The following TNS3 variants were observed in gnomAD, a reference collection of about 807,000 sequenced individuals.
The protein encoded by TNS3 is tensin-3.
TNS3 carries 45 observed loss-of-function variants against 140.9 expected under a neutral mutation model. That is an observed-to-expected ratio of 0.32 (90% CI 0.25 to 0.41). The LOEUF is 0.41. TNS3 is among the 10% of genes least tolerant of loss of function. The pLI is 1.00. For missense variants in TNS3, 1,716 were observed against 1,906.7 expected (o/e 0.90, Z 1.86); for synonymous variants, 815 against 788.4 (o/e 1.03, Z -0.56).
chr7:47,349,858 A>G (rs1789561314), intron 17 of TNS3, among the ~76,000 whole-genome samples: 1 of 152,250 alleles, frequency 6.6e-6, no homozygotes. Context: ...TTATCCAGCA[A>G]CAGTGACAGT....
intron 2 of TNS3, among the ~76,000 whole-genome samples, chr7:47,514,617 T>C (rs77908603): frequency 0.022 from 3,333 of 152,190 alleles, 111 homozygotes; most frequent in African/African-American, 0.075. Context: ...TCATCTCCTT[T>C]AGGCCTTCCC....
At chr7:47,452,874 G>C (rs1796079695) in intron 4 of TNS3, 1 of 977,184 alleles carries the variant, frequency 1.0e-6, no homozygotes, top group African/African-American at 1.8e-5. Context: ...GCCAGGGACA[G>C]ACAAAGTGCC....
chr7:47,414,010 C>A lies in TNS3; in HGVS notation c.587-13G>T. 2 of 1,613,398 alleles carry A rather than the reference C, an allele frequency of 1.2e-6. No homozygotes were observed. Among genetic ancestry groups the A allele is most frequent in the Non-Finnish European group, 1.7e-6 (2 of 1,179,712 alleles). ...AAGGGCCGGCACACTGAAAGAAAGG[C>A]ACAACTGTCTGTAGAGGCATGACCG... is the stretch of plus-strand genomic sequence containing the variant. On this transcript the variant is annotated splice_polypyrimidine_tract_variant and intron_variant, in intron 11 of 30. Transcript: ENST00000311160.
chr7:47,442,560 TTA>T (rs1456580281), intron 4 of TNS3, among the ~76,000 whole-genome samples: 1 of 152,244 alleles, frequency 6.6e-6, no homozygotes, highest in Non-Finnish European at 1.5e-5. Context: ...GTAAGGGTTG[TTA>T]TATACTATGG....
At chr7:47,489,749 C>G (rs936589567) in intron 3 of TNS3, among the ~76,000 whole-genome samples, 4 of 152,192 alleles carry the variant, frequency 2.6e-5, no homozygotes, top group Non-Finnish European at 5.9e-5. Context: ...CTCGAAGTGG[C>G]TGAAAAGCAC....
intron 1 of TNS3, among the ~76,000 whole-genome samples, chr7:47,552,503 C>A (rs1263655154): frequency 6.6e-6 from 1 of 152,166 alleles, no homozygotes; most frequent in Non-Finnish European, 1.5e-5. Context: ...GTCCCTGTGT[C>A]ACATTTTGGA....
In TNS3 at chr7:47,446,875, T is replaced by C. The variant is rs559983528; in HGVS notation, c.-75-4820A>G. 3.7e-3 allele frequency among the ~76,000 whole-genome samples: 565 copies of C among 151,578 alleles called. 4 individuals are homozygous for C. The highest frequency in any genetic ancestry group is 6.5e-3 in the Non-Finnish European group (440 of 67,830). ...ATACGGCTAATTTTTGTTTTTTTTTTGTAGAGATGGGGGTCTCGCCATGTT... is the reference window on the plus strand; with the variant it reads ...ATACGGCTAATTTTTGTTTTTTTTTCGTAGAGATGGGGGTCTCGCCATGTT... On this transcript the variant is annotated intron_variant, in intron 4 of 30. Transcript: ENST00000311160.
intron 3 of TNS3, among the ~76,000 whole-genome samples, chr7:47,502,596 G>A (rs1443098125): frequency 6.6e-6 from 1 of 152,226 alleles, no homozygotes; most frequent in Non-Finnish European, 1.5e-5. Flanking sequence ...GGGCAGCAGG[G>A]GGTTCCGCTG....
intron 4 of TNS3, among the ~76,000 whole-genome samples, chr7:47,469,915 A>G (rs1035418267): frequency 2.1e-5 from 3 of 140,524 alleles, no homozygotes; most frequent in African/African-American, 7.9e-5. Flanking sequence ...CAGAGGTTGC[A>G]GTGAGCCAAG....
chr7:47,371,058 G>A (rs1308436472), intron 16 of TNS3, among the ~76,000 whole-genome samples: 1 of 152,222 alleles, frequency 6.6e-6, no homozygotes, highest in Admixed American at 6.5e-5. Context: ...ACGCAGAGAA[G>A]TGGGGAGTGG....
intron 1 of TNS3, among the ~76,000 whole-genome samples, chr7:47,534,709 C>A (rs1026172928): frequency 5.9e-5 from 9 of 152,124 alleles, no homozygotes; most frequent in Non-Finnish European, 1.2e-4. Flanking sequence ...GTTCCTATGT[C>A]GGTATCTGGT....
At chr7:47,284,669 T>G (rs1785320671) in intron 27 of TNS3, among the ~76,000 whole-genome samples, 1 of 152,212 alleles carries the variant, frequency 6.6e-6, no homozygotes, top group South Asian at 2.1e-4. Context: ...AAAGGCTGAG[T>G]AGGCTTCCTC....
At chr7:47,434,642 A>C (rs1437041943) in intron 8 of TNS3, among the ~76,000 whole-genome samples, 4 of 152,228 alleles carry the variant, frequency 2.6e-5, no homozygotes, top group Non-Finnish European at 5.9e-5. Context: ...ATTAAGAGGA[A>C]AGATCCCAGG....
At chr7:47,312,136 T>C (rs1269259597) in intron 20 of TNS3, among the ~76,000 whole-genome samples, 1 of 152,234 alleles carries the variant, frequency 6.6e-6, no homozygotes, top group Non-Finnish European at 1.5e-5. Flanking sequence ...GTTTGTGTCA[T>C]GAATACATGT....
At chr7:47,339,529 A>T (rs1335668503) in intron 20 of TNS3, among the ~76,000 whole-genome samples, 1 of 151,844 alleles carries the variant, frequency 6.6e-6, no homozygotes, top group Non-Finnish European at 1.5e-5. Flanking sequence ...TGGGTTCTCT[A>T]CTCTGTTTCA....
intron 2 of TNS3, among the ~76,000 whole-genome samples, chr7:47,508,534 C>T (rs1403296568): frequency 6.6e-6 from 1 of 152,212 alleles, no homozygotes; most frequent in African/African-American, 2.4e-5. Context: ...GGCCTCTGGC[C>T]TCTGGCTGAG....
chr7:47,433,361 T>C (rs1210413102), intron 8 of TNS3, among the ~76,000 whole-genome samples: 1 of 152,146 alleles, frequency 6.6e-6, no homozygotes, highest in Non-Finnish European at 1.5e-5. Flanking sequence ...CAAAAATGGT[T>C]TACATGGCAC....
At chr7:47,327,114 C>T (rs1788067494) in intron 20 of TNS3, among the ~76,000 whole-genome samples, 2 of 152,220 alleles carry the variant, frequency 1.3e-5, no homozygotes. Flanking sequence ...CCCGTGCTAC[C>T]CCCAGTGCCT....
chr7:47,501,548 G>C (rs1405262175), intron 3 of TNS3, among the ~76,000 whole-genome samples: 1 of 152,180 alleles, frequency 6.6e-6, no homozygotes, highest in Non-Finnish European at 1.5e-5. Flanking sequence ...TGGGGCCCTA[G>C]ACAGGGTAAG....
Sources: allele counts gnomAD v4.1 joint callset (sites outside exome capture counted in the v4.1 genomes callset), GRCh38; gene constraint gnomAD v4.1.1; transcripts MANE v1.5; gene names NCBI Gene and HGNC (gene_info 2026-07-23, HGNC 2026-07-21).